Variants in ANKRD60 observed in about 807,000 individuals in gnomAD.
ANKRD60 encodes ankyrin repeat domain-containing protein 60.
ANKRD60 carries 24 observed loss-of-function variants against 21.3 expected under a neutral mutation model. That is an observed-to-expected ratio of 1.13 (90% CI 0.82 to 1.59). The LOEUF (loss-of-function observed/expected upper bound fraction) is 1.59, where lower values mean the gene tolerates loss of function less well. ANKRD60 is among the 40% of genes most tolerant of loss of function. The probability of loss-of-function intolerance (pLI) is 0.00; values close to 1 mark genes in which losing one functional copy is unlikely to be tolerated. For missense variants in ANKRD60, 490 were observed against 466.7 expected, an observed-to-expected ratio of 1.05 and a Z score of -0.46; for synonymous variants, 182 against 199.4, an observed-to-expected ratio of 0.91 and a Z score of 0.74.
At chr20:58,216,999 G>A (rs1374863399), downstream of ANKRD60, among the ~76,000 whole-genome samples, 1 of 152,202 alleles carries the variant, frequency 6.6e-6, no homozygotes, top group Non-Finnish European at 1.5e-5. Context: ...GAGAGATTTT[G>A]GTTGTTTCTA....
At chr20:58,222,049 G>A (rs1393877608) in intron 2 of ANKRD60, among the ~76,000 whole-genome samples, 1 of 152,208 alleles carries the variant, frequency 6.6e-6, no homozygotes, top group Non-Finnish European at 1.5e-5. Context: ...AGGATACTCT[G>A]CCCTGATATG....
rs1234846317 is a variant in ANKRD60 at position 58,218,825 on chromosome 20, G to T, written c.728-20C>A. 6.6e-7 allele frequency: 1 copy of T among 1,515,278 alleles called. No individual in the cohort carries two copies. The allele number at this position is 1,515,278 out of a possible 1,614,324, so 93.9% of individuals were successfully genotyped here. ...TGGCTCCTGTAAAATAAGAACATTG[G>T]CCAGAAGGAAGACATGCGGAGGGGG... On this transcript the variant is annotated intron_variant, in intron 3 of 3. Coordinates refer to ENST00000457363, the Ensembl canonical transcript of ANKRD60.
At chr20:58,218,493 A>G (rs749300982), downstream of ANKRD60, 1 of 1,547,174 alleles carries the variant, frequency 6.5e-7, no homozygotes, top group African/African-American at 1.4e-5. Flanking sequence ...TCCCACCAGG[A>G]GCTAATGAGG....
chr20:58,218,407 G>A, downstream of ANKRD60: 1 of 1,298,292 alleles, frequency 7.7e-7, no homozygotes, highest in South Asian at 1.5e-5. Flanking sequence ...CTGTTTTCCT[G>A]CCTCCCTGCT....
intron 2 of ANKRD60, among the ~76,000 whole-genome samples, chr20:58,222,174 C>G (rs1984271116): frequency 6.6e-6 from 1 of 152,126 alleles, no homozygotes. Context: ...GCCAGAAAAC[C>G]AAGCATGGAC....
At chr20:58,224,690 CTAAG>C (rs1984330983) in intron 1 of ANKRD60, among the ~76,000 whole-genome samples, 1 of 152,180 alleles carries the variant, frequency 6.6e-6, no homozygotes, top group African/African-American at 2.4e-5. Context: ...GGTAATTAGT[CTAAG>C]TAAGACAACT....
At chr20:58,222,926 C>T in intron 2 of ANKRD60, 126 bp downstream of exon 2, 1 of 1,192,312 alleles carries the variant, frequency 8.4e-7, no homozygotes, top group South Asian at 2.0e-5. Context: ...TATGACACGG[C>T]TCATCGTTCT....
chr20:58,220,404 G>C (rs1262458749), intron 3 of ANKRD60, among the ~76,000 whole-genome samples: 3 of 152,124 alleles, frequency 2.0e-5, no homozygotes, highest in Non-Finnish European at 4.4e-5. Flanking sequence ...GGAGGATAGA[G>C]TGTACACCTA....
chr20:58,226,691 T>A (rs1164204644), intron 1 of ANKRD60, among the ~76,000 whole-genome samples: 1 of 152,172 alleles, frequency 6.6e-6, no homozygotes, highest in Non-Finnish European at 1.5e-5. Context: ...TTTGGGGTCC[T>A]GCTGTGGACA....
chr20:58,226,853 GCT>G lies in ANKRD60; in HGVS notation c.430+1369_430+1370del, dbSNP rs546031955. On this transcript the variant is annotated intron_variant, in intron 1 of 3. Transcript: ENST00000457363. ...CATATGTGGGCAGGGTTCATTTTGG[GCT>G]CTGTCATCCTTATGTAGACAGAAGT... 1.3e-4 allele frequency among the ~76,000 whole-genome samples: 20 copies of G among 152,188 alleles called. No individual in the cohort carries two copies. In the South Asian group the frequency reaches 3.3e-3, roughly 25 times the overall value.
intron 2 of ANKRD60, among the ~76,000 whole-genome samples, chr20:58,222,635 C>T (rs1055355457): frequency 5.3e-5 from 8 of 152,196 alleles, no homozygotes; most frequent in African/African-American, 1.7e-4. Context: ...ACCCCGGGAA[C>T]GAGGGGCCTC....
chr20:58,218,874 T>A, intron 3 of ANKRD60, 69 bp from the exon 4 acceptor site: 1 of 1,411,928 alleles, frequency 7.1e-7, no homozygotes. Flanking sequence ...TCCAGGGCTG[T>A]GAAGGGAGTG....
intron 2 of ANKRD60, among the ~76,000 whole-genome samples, chr20:58,222,528 A>G (rs1435573651): frequency 6.6e-6 from 1 of 152,144 alleles, no homozygotes; most frequent in African/African-American, 2.4e-5. Flanking sequence ...CCTGTTGGGT[A>G]CACATCTGGT....
intron 3 of ANKRD60, among the ~76,000 whole-genome samples, chr20:58,220,439 A>G (rs528250292): frequency 6.6e-6 from 1 of 151,788 alleles, no homozygotes; most frequent in African/African-American, 2.4e-5. Context: ...AAGCTCTTTA[A>G]TTTGGAGACA....
chr20:58,221,839 G>A (rs774608374), intron 2 of ANKRD60, among the ~76,000 whole-genome samples: 23 of 152,314 alleles, frequency 1.5e-4, no homozygotes, highest in Admixed American at 3.9e-4. Context: ...GAAGACACCA[G>A]CCAATATAAA....
Position 58,221,321 on chromosome 20 carries a change from C to G in ANKRD60, c.727+17G>C. ...AATCCCAACTCATGAATATAGCAAG[C>G]TTTCTACCAGAATTACCGTGTTCTA... On this transcript the variant is annotated intron_variant, in intron 3 of 3. Transcript: ENST00000457363. 2 of 1,546,858 alleles carry G rather than the reference C, an allele frequency of 1.3e-6. No individual in the cohort carries two copies. Among genetic ancestry groups the G allele is most frequent in the Non-Finnish European group, 1.7e-6 (2 of 1,144,346 alleles).
chr20:58,216,889 A>C (rs1365373778), downstream of ANKRD60, among the ~76,000 whole-genome samples: 3 of 152,258 alleles, frequency 2.0e-5, no homozygotes, highest in African/African-American at 7.2e-5. Flanking sequence ...TTTAGAGAAC[A>C]TAAATGGTCT....
At chr20:58,226,014 T>A (rs1984358735) in intron 1 of ANKRD60, among the ~76,000 whole-genome samples, 2 of 152,182 alleles carry the variant, frequency 1.3e-5, no homozygotes, top group Non-Finnish European at 2.9e-5. Context: ...AGTGGGGCCC[T>A]TGGGGTCCTA....
At chr20:58,224,864 T>C (rs1984333880) in intron 1 of ANKRD60, among the ~76,000 whole-genome samples, 1 of 152,202 alleles carries the variant, frequency 6.6e-6, no homozygotes, top group Non-Finnish European at 1.5e-5. Flanking sequence ...ATACTAATTA[T>C]CACCAGCTAA....
Sources: gnomAD v4.1 joint callset for allele counts (sites outside exome capture counted in the v4.1 genomes callset) on GRCh38, gnomAD v4.1.1 for gene constraint, MANE v1.5 for transcripts, NCBI Gene and HGNC (gene_info 2026-07-23, HGNC 2026-07-21) for gene names.